The following HPSE2 variants were observed in gnomAD, a reference collection of about 807,000 sequenced individuals.
The protein encoded by HPSE2 is inactive heparanase-2.
Under a neutral mutation model 60.5 loss-of-function variants are expected in HPSE2, and 38 were observed. The observed-to-expected ratio is 0.63, with a 90% CI of 0.48 to 0.82. HPSE2 has a LOEUF of 0.82. HPSE2 is among the 40% of genes least tolerant of loss of function. The pLI is 0.00. For synonymous variants in HPSE2, 295 were observed against 293.2 expected, an observed-to-expected ratio of 1.01 and a Z score of -0.06; for missense variants, 713 against 740.4, an observed-to-expected ratio of 0.96 and a Z score of 0.43.
intron 6 of HPSE2, among the ~76,000 whole-genome samples, chr10:98,675,476 C>T (rs766477500): frequency 1.5e-4 from 22 of 151,624 alleles, no homozygotes; most frequent in Admixed American, 5.3e-4. Flanking sequence ...GAGGCCAAGG[C>T]GGGAAGACTG....
At chr10:99,268,831 C>T in the HPSE2 span, among the ~76,000 whole-genome samples, 1 of 151,986 alleles carries the variant, frequency 6.6e-6, no homozygotes, top group Non-Finnish European at 1.5e-5. Flanking sequence ...CTAAATGCTC[C>T]ACTTAAAAGA....
intron 3 of HPSE2, among the ~76,000 whole-genome samples, chr10:98,965,779 T>C (rs1300851812): frequency 6.6e-6 from 1 of 152,256 alleles, no homozygotes; most frequent in East Asian, 1.9e-4. Flanking sequence ...ACTTTTCATG[T>C]ATTCAGAATA....
At chr10:98,670,744 A>T (rs1947484979) in intron 6 of HPSE2, among the ~76,000 whole-genome samples, 2 of 152,178 alleles carry the variant, frequency 1.3e-5, no homozygotes, top group African/African-American at 4.8e-5. Flanking sequence ...ACATTGTGAA[A>T]CTCCCTGCCC....
intron 9 of HPSE2, among the ~76,000 whole-genome samples, chr10:98,554,676 T>G (rs1213566005): frequency 2.0e-5 from 3 of 152,180 alleles, no homozygotes; most frequent in African/African-American, 7.2e-5. Context: ...AAGAGTAAGA[T>G]GAACACCTAG....
At chr10:98,953,055 T>A (rs1395502668) in intron 3 of HPSE2, among the ~76,000 whole-genome samples, 1 of 152,116 alleles carries the variant, frequency 6.6e-6, no homozygotes, top group African/African-American at 2.4e-5. Flanking sequence ...CCCCACGACT[T>A]CTGCCAGGGC....
chr10:99,111,396 C>G (rs1844452246), intron 3 of HPSE2, among the ~76,000 whole-genome samples: 1 of 152,042 alleles, frequency 6.6e-6, no homozygotes. Context: ...ACAGACTCCA[C>G]AAAATTAGGA....
chr10:98,970,291 C>T (rs536767733), intron 3 of HPSE2, among the ~76,000 whole-genome samples: 1 of 152,192 alleles, frequency 6.6e-6, no homozygotes, highest in East Asian at 1.9e-4. Context: ...ACATAGATCA[C>T]ATGTAAACTC....
At chr10:98,541,652 C>T (rs1943465450) in intron 9 of HPSE2, among the ~76,000 whole-genome samples, 1 of 152,248 alleles carries the variant, frequency 6.6e-6, no homozygotes, top group African/African-American at 2.4e-5. Flanking sequence ...GGAAACGGCA[C>T]ACCAGGAGAT....
chr10:98,793,088 T>C (rs1950694150), intron 3 of HPSE2, among the ~76,000 whole-genome samples: 1 of 152,218 alleles, frequency 6.6e-6, no homozygotes, highest in South Asian at 2.1e-4. Flanking sequence ...TCCACCAGCC[T>C]GGAGACTGCT....
intron 6 of HPSE2, among the ~76,000 whole-genome samples, chr10:98,650,883 G>A (rs1347889531): frequency 1.3e-5 from 2 of 152,122 alleles, no homozygotes; most frequent in African/African-American, 2.4e-5. Flanking sequence ...TCATTATTTG[G>A]TATCTCACTG....
intron 2 of HPSE2, among the ~76,000 whole-genome samples, chr10:99,164,908 A>T (rs1847010304): frequency 6.6e-6 from 1 of 151,824 alleles, no homozygotes; most frequent in Non-Finnish European, 1.5e-5. Context: ...ACATGGTGAA[A>T]CCCCGTCTCT....
At chr10:98,781,753 C>G (rs1366866416) in intron 3 of HPSE2, among the ~76,000 whole-genome samples, 2 of 149,912 alleles carry the variant, frequency 1.3e-5, no homozygotes, top group African/African-American at 4.9e-5. Flanking sequence ...GGAATGTAAC[C>G]CAGCATCTAC....
chr10:99,226,624 T>C (rs551204030), intron 2 of HPSE2, among the ~76,000 whole-genome samples: 56 of 152,124 alleles, frequency 3.7e-4, no homozygotes, highest in African/African-American at 1.3e-3. Flanking sequence ...TATCTGTCAA[T>C]TTCTTCAGTG....
intron 3 of HPSE2, among the ~76,000 whole-genome samples, chr10:99,054,112 G>T (rs1471914517): frequency 6.6e-6 from 1 of 152,058 alleles, no homozygotes; most frequent in Non-Finnish European, 1.5e-5. Flanking sequence ...GCTGGTGAAA[G>T]TCACTGTAAT....
rs184126699 is a variant in HPSE2, at chr10:98,889,727, C to A, written c.611-145671G>T. On this transcript the variant is annotated intron_variant, in intron 3 of 11. Coordinates refer to ENST00000370552, the MANE Select transcript of HPSE2 (RefSeq NM_021828.5). Reference sequence around the variant, plus strand: ...CTCCTCTGAACTTGAATTAATTAATCAATAAGATGATATTCCAGGAGTTCC... The same window carrying A: ...CTCCTCTGAACTTGAATTAATTAATAAATAAGATGATATTCCAGGAGTTCC... 3.3e-5 allele frequency among the ~76,000 whole-genome samples: 5 copies of A among 152,208 alleles called. No homozygotes were observed. In the East Asian group the frequency reaches 9.6e-4, roughly 29 times the overall value.
chr10:99,007,180 A>G (rs1270169675), intron 3 of HPSE2, among the ~76,000 whole-genome samples: 1 of 152,020 alleles, frequency 6.6e-6, no homozygotes, highest in Non-Finnish European at 1.5e-5. Flanking sequence ...GTAGACCTGG[A>G]GTGTAGAGCT....
intron 11 of HPSE2, among the ~76,000 whole-genome samples, chr10:98,465,491 G>A (rs896779517): frequency 2.6e-5 from 4 of 152,160 alleles, no homozygotes; most frequent in African/African-American, 9.7e-5. Flanking sequence ...AGAGCCCCAG[G>A]AGATACATAG....
At chr10:98,938,758 A>C (rs1954892276) in intron 3 of HPSE2, among the ~76,000 whole-genome samples, 1 of 143,546 alleles carries the variant, frequency 7.0e-6, no homozygotes, top group South Asian at 2.1e-4. Context: ...CTCCTCAAGA[A>C]GAGCAACCCC....
intron 3 of HPSE2, among the ~76,000 whole-genome samples, chr10:99,115,969 T>C (rs1161482014): frequency 6.6e-6 from 1 of 152,182 alleles, no homozygotes; most frequent in African/African-American, 2.4e-5. Flanking sequence ...ATTCTAAAAA[T>C]GTAAAATGCC....
Sources: allele counts gnomAD v4.1 joint callset (sites outside exome capture counted in the v4.1 genomes callset), GRCh38; gene constraint gnomAD v4.1.1; transcripts MANE v1.5; gene names NCBI Gene and HGNC (gene_info 2026-07-23, HGNC 2026-07-21).